Variants in GNB3 observed in about 807,000 individuals in gnomAD.
The protein encoded by GNB3 is G protein subunit beta 3, also known as guanine nucleotide-binding protein G(I)/G(S)/G(T) subunit beta-3.
A neutral mutation model predicts 41.2 loss-of-function variants in GNB3; 33 were observed. The ratio of observed to expected loss-of-function variants is 0.80; its 90% CI spans 0.61 to 1.07. The LOEUF is 1.07. GNB3 is among the 50% of genes least tolerant of loss of function. GNB3 has a pLI of 0.00. For missense variants in GNB3, 409 were observed against 455.3 expected, an observed-to-expected ratio of 0.90 and a Z score of 0.92; for synonymous variants, 172 against 173.4, an observed-to-expected ratio of 0.99 and a Z score of 0.06.
rs367711032 is a variant in GNB3 at position 6,841,567 on chromosome 12, A to G, written c.58-19A>G. ...CCCCCACCTCGCCCTTGCTCCCCTG[A>G]TGTCTGCTTTCCCTGCAGGATGCCA... On this transcript the variant is annotated intron_variant, in intron 2 of 9. Transcript: ENST00000229264. The G allele has an allele frequency of 3.1e-4, 503 of 1,611,768 alleles. No homozygotes were observed. Among genetic ancestry groups the G allele is most frequent in the Non-Finnish European group, 4.0e-4 (469 of 1,178,392 alleles).
At chr12:6,842,704 C>T (rs1019196562) in intron 3 of GNB3, among the ~76,000 whole-genome samples, 3 of 152,200 alleles carry the variant, frequency 2.0e-5, no homozygotes, top group East Asian at 1.9e-4. Context: ...TGCAAGTATT[C>T]GTATCGTGGA....
intron 9 of GNB3, chr12:6,846,280 CA>C (rs1555124699): frequency 5.9e-6 from 1 of 170,552 alleles, no homozygotes; most frequent in Non-Finnish European, 1.3e-5. Flanking sequence ...TAACACTGGC[CA>C]GGGGCAGAAT....
chr12:6,845,848 C>T (rs1943684901), intron 9 of GNB3, 46 bp downstream of exon 9: 6 of 1,281,748 alleles, frequency 4.7e-6, no homozygotes, highest in Non-Finnish European at 5.7e-6. Context: ...GAAGGACCCT[C>T]CCCAGCCCTC....
In GNB3 at chr12:6,847,003, C is replaced by A; in HGVS notation, c.*105C>A. 1.4e-6 allele frequency: 1 copy of A among 695,120 alleles called. No individual in the cohort carries two copies. Among genetic ancestry groups the A allele is most frequent in the East Asian group, 2.7e-5 (1 of 36,768 alleles). 43.1% of individuals were successfully genotyped at this position (695,120 alleles called of 1,614,324 possible). On this transcript the variant is annotated 3_prime_UTR_variant, in exon 10 of 10. Transcript: ENST00000229264. ...TCTTCTATATTCCGGGTGCCATTCCCACTAAGCTTTCTCCTTTGAGGGCAG... is the reference window on the plus strand; with the variant it reads ...TCTTCTATATTCCGGGTGCCATTCCAACTAAGCTTTCTCCTTTGAGGGCAG...
intron 2 of GNB3, 36 bp downstream of exon 2, chr12:6,841,380 A>G (rs962464992): frequency 6.4e-7 from 1 of 1,573,900 alleles, no homozygotes; most frequent in Non-Finnish European, 8.7e-7. Flanking sequence ...GCCCCAGAAA[A>G]CAGCTGGGGA....
At chr12:6,846,718 C>T (rs1943712101) in intron 9 of GNB3, 74 bp from the exon 10 acceptor site, 1 of 796,104 alleles carries the variant, frequency 1.3e-6, no homozygotes, top group Non-Finnish European at 2.1e-6. Context: ...CCCACACATA[C>T]ACTTACACGC....
At chr12:6,841,874 G>T (rs782169436) in intron 3 of GNB3, 1 of 680,994 alleles carries the variant, frequency 1.5e-6, no homozygotes, top group Non-Finnish European at 2.7e-6. Context: ...CCCTCCCAGG[G>T]CCTTGAAGAT....
In GNB3 at chr12:6,847,325, C is replaced by T. The variant is rs1943727115; in HGVS notation, c.*427C>T. ...CTAGGGTCCTGGCCCTCTTCTTATT[C>T]ATGCTTTCTCCTTTTTCTACCTTTT... is the stretch of plus-strand genomic sequence containing the variant. On this transcript the variant is annotated 3_prime_UTR_variant, in exon 10 of 10. Transcript: ENST00000229264. 5.3e-6 allele frequency: 1 copy of T among 190,454 alleles called. No homozygotes were observed. Among genetic ancestry groups the T allele is most frequent in the African/African-American group, 2.3e-5 (1 of 42,796 alleles). The allele number at this position is 190,454 out of a possible 1,614,324, so 11.8% of individuals were successfully genotyped here.
chr12:6,843,153 T>C lies in GNB3; in HGVS notation c.204-21T>C. 6.2e-7 allele frequency: 1 copy of C among 1,611,608 alleles called. No individual in the cohort carries two copies. Among genetic ancestry groups the C allele is most frequent in the Non-Finnish European group, 8.5e-7 (1 of 1,177,922 alleles). On this transcript the variant is annotated intron_variant, in intron 4 of 9. Coordinates refer to ENST00000229264, the MANE Select transcript of GNB3 (RefSeq NM_002075.4). This position sits in a 1 kb window ranked among gnomAD's most constrained non-coding sequence, Gnocchi z 5.9. ...AGGCGGGAAGGGGAGGCTTGCATGATATGGGATGCCCTCTCCCCAGGCTGC... is the reference window on the plus strand; with the variant it reads ...AGGCGGGAAGGGGAGGCTTGCATGACATGGGATGCCCTCTCCCCAGGCTGC...
rs75977062 is a variant in GNB3, at chr12:6,843,684, G to A, written c.483G>A (p.Ser161=). 19 of 1,614,118 alleles carry A rather than the reference G, an allele frequency of 1.2e-5. No individual in the cohort carries two copies. Among genetic ancestry groups the A allele is most frequent in the Middle Eastern group, 1.6e-4 (1 of 6,062 alleles). Reference sequence around the variant, plus strand: ...ATGACAACAATATTGTGACCAGCTCGGGGGACACCACGTGGTGAGGCTGAA... The same window carrying A: ...ATGACAACAATATTGTGACCAGCTCAGGGGACACCACGTGGTGAGGCTGAA... ...FLDDNNIVTS[S]GDTTCALWDI... is the part of the protein sequence containing the mutation. Residue 161 remains serine (S), a synonymous_variant, in exon 7 of 10, where the codon TCG becomes TCA. Coordinates refer to ENST00000229264, the MANE Select transcript of GNB3 (RefSeq NM_002075.4). The surrounding 1 kb of genome is among the most constrained non-coding windows in gnomAD (Gnocchi z 5.9).
intron 9 of GNB3, 183 bp downstream of exon 9, chr12:6,845,985 G>A: frequency 3.3e-6 from 2 of 599,478 alleles, no homozygotes; most frequent in Non-Finnish European, 6.0e-6. Context: ...TTTTCCCTCA[G>A]TGTTGCTCTA....
rs782272203 is a variant in GNB3 at position 6,843,131 on chromosome 12, C to A, written c.204-43C>A. 1.2e-6 allele frequency: 2 copies of A among 1,605,220 alleles called. No individual in the cohort carries two copies. Among genetic ancestry groups the A allele is most frequent in the South Asian group, 1.1e-5 (1 of 90,894 alleles). On this transcript the variant is annotated intron_variant, in intron 4 of 9. Transcript: ENST00000229264. The surrounding 1 kb of genome is among the most constrained non-coding windows in gnomAD (Gnocchi z 5.9). ...AGGGTGAGAGCGGGAGTGAGGAAGG[C>A]GGGAAGGGGAGGCTTGCATGATATG...
At position 6,845,804 on chromosome 12, in the gene GNB3, T is replaced by A; in HGVS notation, c.916+2T>A. ...ACTCCATGAAGTCTGAGCGTGTGGG[T>A]AAGGGCCAGCCCTGGCTGCTGCTTC... is the stretch of plus-strand genomic sequence containing the variant. On this transcript the variant is annotated splice_donor_variant, in intron 9 of 9. Coordinates refer to ENST00000229264, the MANE Select transcript of GNB3 (RefSeq NM_002075.4). LOFTEE classifies it high-confidence loss of function. 1 of 1,607,626 alleles carries A rather than the reference T, an allele frequency of 6.2e-7. No homozygotes were observed. Among genetic ancestry groups the A allele is most frequent in the Non-Finnish European group, 8.5e-7 (1 of 1,174,224 alleles).
At chr12:6,845,828 T>C in intron 9 of GNB3, 26 bp downstream of exon 9, 3 of 1,548,266 alleles carry the variant, frequency 1.9e-6, no homozygotes, top group Non-Finnish European at 2.7e-6. Context: ...GGCTGCTGCT[T>C]CCTCAGCTGG....
chr12:6,841,573 G>A lies in GNB3; in HGVS notation c.58-13G>A. ...CCTCGCCCTTGCTCCCCTGATGTCT[G>A]CTTTCCCTGCAGGATGCCAGGAAAG... is the stretch of plus-strand genomic sequence containing the variant. On this transcript the variant is annotated splice_polypyrimidine_tract_variant and intron_variant, in intron 2 of 9. Coordinates refer to ENST00000229264, the MANE Select transcript of GNB3 (RefSeq NM_002075.4). 2 of 1,612,632 alleles carry A rather than the reference G, an allele frequency of 1.2e-6. No individual in the cohort carries two copies. The highest frequency in any genetic ancestry group is 1.7e-6 in the Non-Finnish European group (2 of 1,178,964).
intron 3 of GNB3, among the ~76,000 whole-genome samples, chr12:6,842,749 A>G (rs1293777629): frequency 1.3e-5 from 2 of 152,210 alleles, no homozygotes; most frequent in African/African-American, 2.4e-5. Context: ...AACACTGGAG[A>G]GGTGCTTGTT....
chr12:6,844,090 T>C (rs1295663982), intron 8 of GNB3, 112 bp downstream of exon 8: 15 of 460,190 alleles, frequency 3.3e-5, no homozygotes, highest in Non-Finnish European at 4.6e-5. Context: ...CCTTTCTTAC[T>C]GTATTTTTTT....
Position 6,843,550 on chromosome 12 carries a change from C to A in GNB3, c.430+25C>A. The A allele has an allele frequency of 6.2e-7, 1 of 1,613,318 alleles. No individual in the cohort carries two copies. Among genetic ancestry groups the A allele is most frequent in the Non-Finnish European group, 8.5e-7 (1 of 1,179,232 alleles). ...GGTGAGGGAGAGACCCTCTCCTCCC[C>A]TCCTGAGGGGTTCAGGGAACCCTGG... On this transcript the variant is annotated intron_variant, in intron 6 of 9. Transcript: ENST00000229264. The surrounding 1 kb of genome is among the most constrained non-coding windows in gnomAD (Gnocchi z 5.9).
At position 6,843,473 on chromosome 12, in the gene GNB3, C is replaced by T; in HGVS notation, c.378C>T (p.Leu126=). The change falls in exon 6 of 10, where the codon CTC becomes CTT. Residue 126 remains leucine (L), a synonymous_variant. Coordinates refer to ENST00000229264, the MANE Select transcript of GNB3 (RefSeq NM_002075.4). The surrounding 1 kb of genome is among the most constrained non-coding windows in gnomAD (Gnocchi z 5.9). ...GLDNMCSIYN[L]KSREGNVKVS... is the part of the protein sequence containing the mutation. Reference sequence around the variant, plus strand: ...ACAACATGTGTTCCATCTACAACCTCAAATCCCGTGAGGGCAATGTCAAGG... The same window carrying T: ...ACAACATGTGTTCCATCTACAACCTTAAATCCCGTGAGGGCAATGTCAAGG... 1 of 1,614,184 alleles carries T rather than the reference C, an allele frequency of 6.2e-7. No individual in the cohort carries two copies. The highest frequency in any genetic ancestry group is 8.5e-7 in the Non-Finnish European group (1 of 1,180,000).
Sources: gnomAD v4.1 joint callset for allele counts (sites outside exome capture counted in the v4.1 genomes callset) on GRCh38, gnomAD v4.1.1 for gene constraint, Gnocchi (gnomAD v3.1) non-coding constraint, MANE v1.5 for transcripts, NCBI Gene and HGNC (gene_info 2026-07-23, HGNC 2026-07-21) for gene names.